Variants in TCF4 observed in about 807,000 individuals in gnomAD.
TCF4 encodes SL3-3 enhancer factor 2.
Under a neutral mutation model 82.1 loss-of-function variants are expected in TCF4, and 3 were observed. That is an observed-to-expected ratio of 0.04 (90% confidence interval 0.02 to 0.09). The LOEUF (loss-of-function observed/expected upper bound fraction) is 0.09. TCF4 is among the 10% of genes least tolerant of loss of function. TCF4 has a pLI of 1.00. For missense variants in TCF4, 518 were observed against 852.7 expected (o/e 0.61, Z 4.89); for synonymous variants, 276 against 309.6 (o/e 0.89, Z 1.14).
At chr18:55,628,201 T>A (rs2097728453) in intron 2 of TCF4, among the ~76,000 whole-genome samples, 1 of 152,192 alleles carries the variant, frequency 6.6e-6, no homozygotes, top group Non-Finnish European at 1.5e-5. Context: ...TTGCCCCGTA[T>A]ATTCAGAAGG....
intron 3 of TCF4, among the ~76,000 whole-genome samples, chr18:55,542,189 T>C (rs1370053683): frequency 6.6e-6 from 1 of 152,022 alleles, no homozygotes; most frequent in Non-Finnish European, 1.5e-5. Flanking sequence ...CTAAAGTGTG[T>C]GAATATAGTG....
At chr18:55,580,937 T>A (rs546836831) in intron 3 of TCF4, among the ~76,000 whole-genome samples, 1 of 152,068 alleles carries the variant, frequency 6.6e-6, no homozygotes, top group East Asian at 1.9e-4. Context: ...CTTGTTAGGA[T>A]TTAAAAAATA....
chr18:55,540,373 T>C (rs1284141599), intron 3 of TCF4, among the ~76,000 whole-genome samples: 2 of 152,132 alleles, frequency 1.3e-5, no homozygotes, highest in African/African-American at 4.8e-5. Flanking sequence ...AGTAAATGAC[T>C]GTTCACTATC....
intron 3 of TCF4, among the ~76,000 whole-genome samples, chr18:55,521,461 G>A (rs1489491297): frequency 6.6e-6 from 1 of 152,150 alleles, no homozygotes; most frequent in African/African-American, 2.4e-5. Context: ...TACACATTAA[G>A]TCAAATCTCA....
intron 3 of TCF4, among the ~76,000 whole-genome samples, chr18:55,493,893 C>G (rs931505119): frequency 6.6e-6 from 1 of 152,014 alleles, no homozygotes; most frequent in African/African-American, 2.4e-5. Flanking sequence ...CTGCACCTGT[C>G]CCATCAACCC....
chr18:55,381,013 T>G (rs1468981469), intron 6 of TCF4, among the ~76,000 whole-genome samples: 1 of 152,222 alleles, frequency 6.6e-6, no homozygotes, highest in African/African-American at 2.4e-5. Context: ...TTGACATCTT[T>G]TCTAATTAGG....
chr18:55,380,166 GCCA>G (rs1569276630), intron 6 of TCF4, among the ~76,000 whole-genome samples: 1 of 152,090 alleles, frequency 6.6e-6, no homozygotes, highest in African/African-American at 2.4e-5. Context: ...ACAGGTGTGA[GCCA>G]CCACGAGGGT....
intron 3 of TCF4, among the ~76,000 whole-genome samples, chr18:55,474,303 T>C (rs562897180): frequency 4.4e-4 from 67 of 152,290 alleles, no homozygotes; most frequent in Non-Finnish European, 7.2e-4. Flanking sequence ...TTCATCAGAA[T>C]TGTAAGAGAA....
intron 3 of TCF4, among the ~76,000 whole-genome samples, chr18:55,580,674 T>G (rs1367654918): frequency 1.3e-5 from 2 of 151,926 alleles, no homozygotes; most frequent in East Asian, 3.9e-4. Context: ...AGATCACAGA[T>G]AGCATTTCGT....
rs867493360 is a variant in TCF4, at chr18:55,407,649, T to A, written c.305-4131A>T. ...GCAGGAAAGGCAAGCAACTTCCATATAAAAAAAAAAAAAAAAAAGTCAATG... is the reference window on the plus strand; with the variant it reads ...GCAGGAAAGGCAAGCAACTTCCATAAAAAAAAAAAAAAAAAAAAGTCAATG... On this transcript the variant is annotated intron_variant, in intron 5 of 19. Coordinates refer to ENST00000354452, the MANE Select transcript of TCF4 (RefSeq NM_001083962.2). Among the ~76,000 whole-genome samples, 165 of 132,584 alleles carry A rather than the reference T, an allele frequency of 1.2e-3. 2 individuals are homozygous for A. The highest frequency in any genetic ancestry group is 9.3e-3 in the South Asian group (38 of 4,084). 87.0% of individuals were successfully genotyped at this position (132,584 alleles called of 152,430 possible). A position where few individuals can be genotyped will look rare whatever the true frequency, so the allele number is the denominator to read the frequency against.
At position 55,223,344 on chromosome 18, in the gene TCF4, C is replaced by CG. The variant is rs1400133910; in HGVS notation, c.*4690_*4691insC. On this transcript the variant is annotated 3_prime_UTR_variant, in exon 20 of 20. Transcript: ENST00000354452. ...TTGTATGTTTTGTTTGTTAAGCTGT[C>CG]AATACCTCCAACACTTGGAAAATGA... The CG allele has an allele frequency of 6.6e-6, 1 of 152,502 alleles. No individual in the cohort carries two copies. Among genetic ancestry groups the CG allele is most frequent in the Non-Finnish European group, 1.5e-5 (1 of 68,040 alleles). 9.4% of individuals were successfully genotyped at this position (152,502 alleles called of 1,614,324 possible). A position where few individuals can be genotyped will look rare whatever the true frequency, so the allele number is the denominator to read the frequency against.
At chr18:55,351,080 C>T (rs923753723) in intron 6 of TCF4, 77 bp from the exon 7 acceptor site, 1 of 1,580,220 alleles carries the variant, frequency 6.3e-7, no homozygotes, top group Non-Finnish European at 8.7e-7. Context: ...ATTGTTAGTA[C>T]TTAAACCAAT....
In TCF4 at chr18:55,275,682, C is replaced by A. The variant is rs765833827; in HGVS notation, c.726G>T (p.Leu242Phe). The part of the protein sequence containing the change: ...GMNQPGYAGM[L>F]GNSSHIPQSS... The stretch of plus-strand genomic sequence containing the variant: ...ACTGTGGAATATGAGAAGAGTTGCC[C>A]AACATTCCTGCATAGCCAGGCTGAT... The change falls in exon 10 of 20, where the codon TTG (leucine) becomes TTT (phenylalanine). Residue 242 changes from leucine to phenylalanine, a missense_variant. By Grantham distance (22) the Leu-to-Phe change is conservative (BLOSUM62 0). This residue lies in a region of TCF4 where 211 missense variants were observed against 327.4 expected (regional missense o/e 0.64). Transcript: ENST00000354452. 3 of 1,613,780 alleles carry A rather than the reference C, an allele frequency of 1.9e-6. No individual in the cohort carries two copies. The highest frequency in any genetic ancestry group is 2.5e-6 in the Non-Finnish European group (3 of 1,179,830).
chr18:55,446,203 A>G (rs1020949927), intron 5 of TCF4, among the ~76,000 whole-genome samples: 1 of 152,188 alleles, frequency 6.6e-6, no homozygotes, highest in African/African-American at 2.4e-5. Flanking sequence ...AAGAAATGCA[A>G]GAGGAGAGGA....
At chr18:55,383,988 C>T (rs1569295490) in intron 6 of TCF4, 1 of 152,222 alleles carries the variant, frequency 6.6e-6, no homozygotes, top group Non-Finnish European at 1.5e-5. Context: ...ATAGCACTTC[C>T]TACTGGCCTG....
chr18:55,389,136 T>C (rs1603435336), intron 6 of TCF4, among the ~76,000 whole-genome samples: 1 of 152,052 alleles, frequency 6.6e-6, no homozygotes, highest in South Asian at 2.1e-4. Flanking sequence ...AAAAAATAAA[T>C]AAATAAATAA....
In TCF4 at chr18:55,633,501, C is replaced by T. The variant is rs910589635; in HGVS notation, c.196-2113G>A. Reference sequence around the variant, plus strand: ...TGTCCTATTTGTTGCAAGCAAGTCACGAATTCCAGCCTATATTCAAGGGGA... The same window carrying T: ...TGTCCTATTTGTTGCAAGCAAGTCATGAATTCCAGCCTATATTCAAGGGGA... On this transcript the variant is annotated intron_variant, in intron 1 of 20. Coordinates refer to the TCF4 transcript ENST00000398339. The surrounding 1 kb of genome is among the most constrained non-coding windows in gnomAD (Gnocchi z 4.0). Among the ~76,000 whole-genome samples, 1 of 152,134 alleles carries T rather than the reference C, an allele frequency of 6.6e-6. No homozygotes were observed. The highest frequency in any genetic ancestry group is 1.9e-4 in the East Asian group (1 of 5,184).
At chr18:55,381,913 T>G (rs1217855560) in intron 6 of TCF4, among the ~76,000 whole-genome samples, 2 of 148,090 alleles carry the variant, frequency 1.4e-5, no homozygotes, top group Non-Finnish European at 3.0e-5. Flanking sequence ...TAGAAGGGTT[T>G]TTTTTTTTTT....
chr18:55,334,036 T>C (rs1420237117), intron 8 of TCF4, among the ~76,000 whole-genome samples: 1 of 152,170 alleles, frequency 6.6e-6, no homozygotes, highest in African/African-American at 2.4e-5. Flanking sequence ...TATTTTTTTT[T>C]CTCTGATTTT....
Sources: gnomAD v4.1 joint callset for allele counts (sites outside exome capture counted in the v4.1 genomes callset) on GRCh38, gnomAD v4.1.1 for gene constraint, gnomAD v4.1.1 regional missense constraint, Gnocchi (gnomAD v3.1) non-coding constraint, MANE v1.5 for transcripts, NCBI Gene and HGNC (gene_info 2026-07-23, HGNC 2026-07-21) for gene names.